Variants in ZSWIM3 observed in about 807,000 individuals in gnomAD.
The protein encoded by ZSWIM3 is zinc finger SWIM domain-containing protein 3.
In ZSWIM3, 27 loss-of-function variants were observed where a neutral mutation model predicts 47.5. The ratio of observed to expected loss-of-function variants is 0.57; its 90% confidence interval spans 0.42 to 0.78. The LOEUF is 0.78. ZSWIM3 is among the 30% of genes least tolerant of loss of function. ZSWIM3 has a pLI of 0.00. For synonymous variants in ZSWIM3, 333 were observed against 333.9 expected (o/e 1.00, Z 0.03); for missense variants, 689 against 861.3 (o/e 0.80, Z 2.50).
chr20:45,868,436 A>G (rs1568746772), intron 1 of ZSWIM3, among the ~76,000 whole-genome samples: 1 of 149,984 alleles, frequency 6.7e-6, no homozygotes, highest in Non-Finnish European at 1.5e-5. Flanking sequence ...TTTTTTTGAG[A>G]TAGAGTCTTG....
rs1480345365 is a variant in ZSWIM3 at position 45,878,891 on chromosome 20, C to A, written c.*242C>A. On this transcript the variant is annotated 3_prime_UTR_variant, in exon 2 of 2. Coordinates refer to ENST00000255152, the MANE Select transcript of ZSWIM3 (RefSeq NM_080752.4). ...AGTTGTTGTTCAAGGCCAAAGTTAT[C>A]TCCGTGCTGCAAGGTCACCCTCTTC... is the stretch of plus-strand genomic sequence containing the variant. 2 of 486,512 alleles carry A rather than the reference C, an allele frequency of 4.1e-6. No homozygotes were observed. The highest frequency in any genetic ancestry group is 7.2e-6 in the Non-Finnish European group (2 of 275,902). 30.1% of individuals were successfully genotyped at this position (486,512 alleles called of 1,614,324 possible).
chr20:45,858,017 G>T, intron 1 of ZSWIM3, 37 bp downstream of exon 1: 1 of 1,579,218 alleles, frequency 6.3e-7, no homozygotes. Flanking sequence ...CAAGAGGGTG[G>T]GGAGGAGGCT....
intron 1 of ZSWIM3, among the ~76,000 whole-genome samples, chr20:45,870,655 G>A (rs1360603123): frequency 6.6e-6 from 1 of 151,776 alleles, no homozygotes; most frequent in Non-Finnish European, 1.5e-5. Context: ...GAAGTGAAGT[G>A]ACTTGTCCAA....
chr20:45,863,504 T>C lies in ZSWIM3; in HGVS notation c.155+5524T>C, dbSNP rs980937177. ...GTCAGCCCTGAGATTTTGCAGATACTTTACAAAGCACATTCACCTTTATTA... is the reference window on the plus strand; with the variant it reads ...GTCAGCCCTGAGATTTTGCAGATACCTTACAAAGCACATTCACCTTTATTA... On this transcript the variant is annotated intron_variant, in intron 1 of 1. Coordinates refer to ENST00000255152, the MANE Select transcript of ZSWIM3 (RefSeq NM_080752.4). Among the ~76,000 whole-genome samples, 6 of 152,196 alleles carry C rather than the reference T, an allele frequency of 3.9e-5. No homozygotes were observed. In the East Asian group the frequency reaches 5.8e-4, roughly 15 times the overall value.
intron 1 of ZSWIM3, among the ~76,000 whole-genome samples, chr20:45,862,413 G>A (rs117423342): frequency 1.1e-3 from 168 of 151,984 alleles, no homozygotes; most frequent in Non-Finnish European, 1.8e-3. Context: ...CCCCTGCTGG[G>A]ATTACAGATG....
chr20:45,877,961 C>T lies in ZSWIM3; in HGVS notation c.1403C>T (p.Pro468Leu). ...GICGESLTSLPAEETKPDAQQ... is the reference protein window; with the variant it reads ...GICGESLTSLLAEETKPDAQQ... ...TGTGGAGAGAGCCTTACCAGCCTCC[C>T]TGCAGAAGAGACCAAGCCAGACGCA... The change falls in exon 2 of 2, where the codon CCT (proline) becomes CTT (leucine). Residue 468 changes from proline (P) to leucine (L), a missense_variant. Transcript: ENST00000255152. 4 of 1,614,176 alleles carry T rather than the reference C, an allele frequency of 2.5e-6. No individual in the cohort carries two copies. The highest frequency in any genetic ancestry group is 3.4e-6 in the Non-Finnish European group (4 of 1,180,038).
At position 45,878,988 on chromosome 20, in the gene ZSWIM3, CA is replaced by C. The variant is rs1198426231; in HGVS notation, c.*343del. 1 of 222,696 alleles carries C rather than the reference CA, an allele frequency of 4.5e-6. No individual in the cohort carries two copies. The highest frequency in any genetic ancestry group is 8.8e-6 in the Non-Finnish European group (1 of 113,184). 13.8% of individuals were successfully genotyped at this position (222,696 alleles called of 1,614,324 possible). On this transcript the variant is annotated 3_prime_UTR_variant, in exon 2 of 2. Transcript: ENST00000255152. ...ATCCCTGCCTCAGGTTAGGGTGAGA[CA>C]AAATCGGTCTGGTAAAAGGGCCTGT...
chr20:45,870,027 G>GTCTT (rs1338043763), intron 1 of ZSWIM3, among the ~76,000 whole-genome samples: 21 of 145,798 alleles, frequency 1.4e-4, no homozygotes, highest in Admixed American at 6.4e-4. Flanking sequence ...CTGGGCAACA[G>GTCTT]GGCAAAACTC....
At chr20:45,865,362 C>T (rs1226771699) in intron 1 of ZSWIM3, among the ~76,000 whole-genome samples, 1 of 151,130 alleles carries the variant, frequency 6.6e-6, no homozygotes, top group Non-Finnish European at 1.5e-5. Flanking sequence ...GTGGCGGGCG[C>T]CTGTAGTCCC....
At chr20:45,863,387 G>A (rs1186738253) in intron 1 of ZSWIM3, among the ~76,000 whole-genome samples, 1 of 152,182 alleles carries the variant, frequency 6.6e-6, no homozygotes, top group East Asian at 1.9e-4. Context: ...CCTGTGGAGG[G>A]GTGATGGTGA....
At chr20:45,869,107 A>G (rs1985910060) in intron 1 of ZSWIM3, among the ~76,000 whole-genome samples, 1 of 151,942 alleles carries the variant, frequency 6.6e-6, no homozygotes, top group Non-Finnish European at 1.5e-5. Context: ...CGGCCCTGCT[A>G]AATATAATAT....
At chr20:45,858,069 C>T (rs1985587809) in intron 1 of ZSWIM3, 89 bp downstream of exon 1, 1 of 1,403,080 alleles carries the variant, frequency 7.1e-7, no homozygotes, top group East Asian at 2.4e-5. Context: ...GGTGCATAGG[C>T]ACGCATTGGG....
rs1985569425 is a variant in ZSWIM3, at chr20:45,857,818, G to A, written c.-8G>A. The A allele has an allele frequency of 6.2e-7, 1 of 1,613,298 alleles. No homozygotes were observed. The highest frequency in any genetic ancestry group is 8.5e-7 in the Non-Finnish European group (1 of 1,179,560). On this transcript the variant is annotated 5_prime_UTR_variant, in exon 1 of 2. Transcript: ENST00000255152. Reference sequence around the variant, plus strand: ...GACCAGCCCCTAGTGTGGGTTGTGGGGGCGGCCATGGAGCTGGGCAGCTGC... The same window carrying A: ...GACCAGCCCCTAGTGTGGGTTGTGGAGGCGGCCATGGAGCTGGGCAGCTGC...
At chr20:45,868,864 G>T (rs148570306) in intron 1 of ZSWIM3, among the ~76,000 whole-genome samples, 1 of 151,820 alleles carries the variant, frequency 6.6e-6, no homozygotes, top group Non-Finnish European at 1.5e-5. Flanking sequence ...GTGAAGTGGC[G>T]CAATCTCGGC....
chr20:45,864,898 T>C (rs185998463), intron 1 of ZSWIM3, among the ~76,000 whole-genome samples: 342 of 151,780 alleles, frequency 2.3e-3, no homozygotes, highest in African/African-American at 8.0e-3. Context: ...GGGCCGGGCG[T>C]GGTGGCTCAC....
At chr20:45,865,319 CAAAAAAA>C (rs201175786) in intron 1 of ZSWIM3, among the ~76,000 whole-genome samples, 2 of 100,870 alleles carry the variant, frequency 2.0e-5, no homozygotes, top group East Asian at 2.8e-4. Flanking sequence ...AACTCTGTCT[CAAAAAAA>C]AAAAAAAAAA....
Position 45,857,664 on chromosome 20 carries a change from G to A in ZSWIM3, c.-162G>A. The A allele has an allele frequency of 3.6e-6, 3 of 842,852 alleles. No individual in the cohort carries two copies. Among genetic ancestry groups the A allele is most frequent in the Non-Finnish European group, 5.7e-6 (3 of 529,462 alleles). The allele number at this position is 842,852 out of a possible 1,614,324, so 52.2% of individuals were successfully genotyped here. Reference sequence around the variant, plus strand: ...CTCTTGTAACCCGGTCAGGCCTAGGGTTCCTCCCTGAGTTCCAGAATAGGC... The same window carrying A: ...CTCTTGTAACCCGGTCAGGCCTAGGATTCCTCCCTGAGTTCCAGAATAGGC... On this transcript the variant is annotated 5_prime_UTR_variant, in exon 1 of 2. Transcript: ENST00000255152.
intron 1 of ZSWIM3, among the ~76,000 whole-genome samples, chr20:45,859,792 CAAAAA>C (rs765560893): frequency 9.6e-5 from 5 of 52,098 alleles, no homozygotes; most frequent in African/African-American, 1.8e-4. Context: ...GAGAGGAATA[CAAAAA>C]AAAAAAAAAA....
chr20:45,866,951 C>T (rs1985858021), intron 1 of ZSWIM3, among the ~76,000 whole-genome samples: 1 of 149,066 alleles, frequency 6.7e-6, no homozygotes, highest in African/African-American at 2.5e-5. Flanking sequence ...GGAATTACCA[C>T]TAAATGACCA....
Sources: allele counts gnomAD v4.1 joint callset (sites outside exome capture counted in the v4.1 genomes callset), GRCh38; gene constraint gnomAD v4.1.1; transcripts MANE v1.5; gene names NCBI Gene and HGNC (gene_info 2026-07-23, HGNC 2026-07-21).